ELAPOR2: variants seen among roughly 807,000 people sequenced by gnomAD.
ELAPOR2 encodes the protein endosome-lysosome associated apoptosis and autophagy regulator family member 2.
In ELAPOR2, 89 loss-of-function variants were observed where a neutral mutation model predicts 120.7. That is an observed-to-expected ratio of 0.74 (90% CI 0.62 to 0.88). The LOEUF (loss-of-function observed/expected upper bound fraction) is 0.88. Among genes scored for constraint, ELAPOR2 ranks in the 40% least tolerant of loss-of-function variants. ELAPOR2 has a pLI of 0.00. For missense variants in ELAPOR2, 1,134 were observed against 1,251.6 expected (o/e 0.91, Z 1.42); for synonymous variants, 444 against 444.9 (o/e 1.00, Z 0.03).
intron 1 of ELAPOR2, among the ~76,000 whole-genome samples, chr7:87,020,305 A>G (rs1184656691): frequency 5.9e-5 from 9 of 152,164 alleles, no homozygotes; most frequent in African/African-American, 1.9e-4. Flanking sequence ...AGAAGAAACT[A>G]TTATTAATAA....
rs186310279 is a variant in ELAPOR2, at chr7:86,989,996, T to A, written c.190-24972A>T. On this transcript the variant is annotated intron_variant, in intron 1 of 21. Coordinates refer to ENST00000450689, the MANE Select transcript of ELAPOR2 (RefSeq NM_001142749.3). ...TCCCCACTGTGACAGTATTGAGAGG[T>A]GGCGCCTTTAAGAGGTGATTGGATC... 2.2e-3 allele frequency among the ~76,000 whole-genome samples: 333 copies of A among 152,080 alleles called. 2 individuals are homozygous for A. The highest frequency in any genetic ancestry group is 7.7e-3 in the African/African-American group (321 of 41,524).
In ELAPOR2 at chr7:86,943,317, A is replaced by T. The variant is rs11982433; in HGVS notation, c.655-1213T>A. On this transcript the variant is annotated intron_variant, in intron 4 of 21. Coordinates refer to ENST00000450689, the MANE Select transcript of ELAPOR2 (RefSeq NM_001142749.3). ...ATCATCATTTAAAAAAAAAAATAGA[A>T]GGGCTGAATGAAAGTTTCATATAGT... is the stretch of plus-strand genomic sequence containing the variant. 2.6e-3 allele frequency among the ~76,000 whole-genome samples: 395 copies of T among 151,984 alleles called. 5 individuals are homozygous for T. The highest frequency in any genetic ancestry group is 8.0e-3 in the African/African-American group (331 of 41,508).
chr7:86,982,400 C>T (rs934558179), intron 1 of ELAPOR2, among the ~76,000 whole-genome samples: 1 of 152,220 alleles, frequency 6.6e-6, no homozygotes, highest in Non-Finnish European at 1.5e-5. Flanking sequence ...TGGGAGATAC[C>T]TCCCAGTAGG....
At chr7:86,934,366 A>G (rs943737352) in intron 8 of ELAPOR2, among the ~76,000 whole-genome samples, 2 of 152,034 alleles carry the variant, frequency 1.3e-5, no homozygotes, top group African/African-American at 4.8e-5. Context: ...TATACATTAG[A>G]AGATTTAAAT....
intron 1 of ELAPOR2, among the ~76,000 whole-genome samples, chr7:87,056,413 C>T (rs190043363): frequency 8.4e-4 from 128 of 152,246 alleles, no homozygotes; most frequent in Middle Eastern, 3.4e-3. Context: ...TTCTGATGTC[C>T]AGGCCTCATT....
chr7:87,035,120 C>T lies in ELAPOR2; in HGVS notation c.189+24205G>A, dbSNP rs1193154485. On this transcript the variant is annotated intron_variant, in intron 1 of 21. Coordinates refer to ENST00000450689, the MANE Select transcript of ELAPOR2 (RefSeq NM_001142749.3). ...AAAAAAAAAAATTGTGTGCTAGCTACGACTAATGCATCAAGGTCAAATATT... is the reference window on the plus strand; with the variant it reads ...AAAAAAAAAAATTGTGTGCTAGCTATGACTAATGCATCAAGGTCAAATATT... Among the ~76,000 whole-genome samples the T allele has an allele frequency of 4.6e-5, 7 of 151,646 alleles. No homozygotes were observed. In the East Asian group the frequency reaches 1.2e-3, roughly 25 times the overall value.
intron 21 of ELAPOR2, among the ~76,000 whole-genome samples, chr7:86,880,766 C>A (rs1353386264): frequency 6.6e-6 from 1 of 150,928 alleles, no homozygotes; most frequent in East Asian, 1.9e-4. Flanking sequence ...AGAAGCAAAC[C>A]CATGATTGCA....
intron 5 of ELAPOR2, among the ~76,000 whole-genome samples, chr7:86,941,794 G>C (rs1790805145): frequency 6.6e-6 from 1 of 151,902 alleles, no homozygotes; most frequent in South Asian, 2.1e-4. Flanking sequence ...GAAAAAGGTA[G>C]GAAAAAGACC....
intron 1 of ELAPOR2, among the ~76,000 whole-genome samples, chr7:86,975,441 A>G (rs1464341605): frequency 3.3e-5 from 5 of 152,212 alleles, no homozygotes; most frequent in Non-Finnish European, 7.4e-5. Flanking sequence ...TTTTTTAAAA[A>G]ATAATAATGT....
At position 86,920,964 on chromosome 7, in the gene ELAPOR2, G is replaced by C. The variant is rs374073513; in HGVS notation, c.1400-1654C>G. 1.3e-5 allele frequency: 2 copies of C among 152,260 alleles called. 1 individual carries two copies. Among genetic ancestry groups the C allele is most frequent in the African/African-American group, 4.8e-5 (2 of 41,526 alleles). The allele number at this position is 152,260 out of a possible 1,614,324, so 9.4% of individuals were successfully genotyped here. A position where few individuals can be genotyped will look rare whatever the true frequency, so the allele number is the denominator to read the frequency against. ...TTCCTTGTCTTACTGTCCATTGTGAGGTATGTTACAGGCCTCTCTGTAGGT... is the reference window on the plus strand; with the variant it reads ...TTCCTTGTCTTACTGTCCATTGTGACGTATGTTACAGGCCTCTCTGTAGGT... On this transcript the variant is annotated intron_variant, in intron 10 of 21. Transcript: ENST00000450689.
intron 7 of ELAPOR2, 105 bp from the exon 8 acceptor site, chr7:86,938,319 T>C (rs1045356056): frequency 1.2e-5 from 9 of 782,150 alleles, no homozygotes; most frequent in Non-Finnish European, 1.9e-5. Flanking sequence ...ACAAATAAAC[T>C]TACCAGGGCA....
chr7:87,055,416 G>C (rs1280980019), intron 1 of ELAPOR2, among the ~76,000 whole-genome samples: 1 of 152,138 alleles, frequency 6.6e-6, no homozygotes, highest in African/African-American at 2.4e-5. Context: ...TGTGATATAA[G>C]GTCCCTTATG....
chr7:87,022,834 A>G (rs929412064), intron 1 of ELAPOR2, among the ~76,000 whole-genome samples: 29 of 151,666 alleles, frequency 1.9e-4, no homozygotes, highest in African/African-American at 6.6e-4. Context: ...GGCCAGTGAT[A>G]ATGAGCATTT....
At chr7:86,900,536 CA>C (rs1020985642) in intron 18 of ELAPOR2, among the ~76,000 whole-genome samples, 2 of 151,098 alleles carry the variant, frequency 1.3e-5, no homozygotes, top group Non-Finnish European at 3.0e-5. Flanking sequence ...ACTGCAACAA[CA>C]AAAAAAAATC....
chr7:86,990,391 G>C (rs567642328), intron 1 of ELAPOR2, among the ~76,000 whole-genome samples: 6 of 152,020 alleles, frequency 3.9e-5, no homozygotes, highest in Non-Finnish European at 8.8e-5. Flanking sequence ...TGAGACTGGT[G>C]GTGGCTCTAT....
chr7:87,023,728 T>G lies in ELAPOR2; in HGVS notation c.189+35597A>C, dbSNP rs1003651948. On this transcript the variant is annotated intron_variant, in intron 1 of 21. Coordinates refer to ENST00000450689, the MANE Select transcript of ELAPOR2 (RefSeq NM_001142749.3). The stretch of plus-strand genomic sequence containing the variant: ...AATGTTCTTCCATTTGTTTGTATCC[T>G]CTTTTATTTCATTGAGCAGTGGTTT... Among the ~76,000 whole-genome samples, 486 of 152,288 alleles carry G rather than the reference T, an allele frequency of 3.2e-3. 5 individuals are homozygous for G. Among genetic ancestry groups the G allele is most frequent in the African/African-American group, 0.011 (464 of 41,560 alleles).
At chr7:87,006,139 G>A (rs371911039) in intron 1 of ELAPOR2, among the ~76,000 whole-genome samples, 1 of 151,872 alleles carries the variant, frequency 6.6e-6, no homozygotes, top group Non-Finnish European at 1.5e-5. Flanking sequence ...ACATACACGG[G>A]GCTAAAATTT....
intron 1 of ELAPOR2, among the ~76,000 whole-genome samples, chr7:87,022,776 T>C (rs2116704356): frequency 6.6e-6 from 1 of 150,988 alleles, no homozygotes; most frequent in East Asian, 1.9e-4. Context: ...CCATTCTAAC[T>C]GGTGTGAGAT....
At chr7:87,037,305 C>T (rs1490679695) in intron 1 of ELAPOR2, among the ~76,000 whole-genome samples, 1 of 152,050 alleles carries the variant, frequency 6.6e-6, no homozygotes, top group African/African-American at 2.4e-5. Flanking sequence ...GCCCAGGGTA[C>T]TATAAACTCA....
Sources: gnomAD v4.1 joint callset for allele counts (sites outside exome capture counted in the v4.1 genomes callset) on GRCh38, gnomAD v4.1.1 for gene constraint, MANE v1.5 for transcripts, NCBI Gene and HGNC (gene_info 2026-07-23, HGNC 2026-07-21) for gene names.